MYO1H: variants seen among roughly 807,000 people sequenced by gnomAD.
MYO1H encodes the protein unconventional myosin-Ih.
MYO1H carries 118 observed loss-of-function variants against 149.3 expected under a neutral mutation model. The ratio of observed to expected loss-of-function variants is 0.79; its 90% CI spans 0.68 to 0.92. The LOEUF (loss-of-function observed/expected upper bound fraction) is 0.92, where lower values mean the gene tolerates loss of function less well. MYO1H is among the 40% of genes least tolerant of loss of function. MYO1H has a pLI of 0.00. For synonymous variants in MYO1H, 447 were observed against 465.2 expected, an observed-to-expected ratio of 0.96 and a Z score of 0.50; for missense variants, 1,212 against 1,280.7, an observed-to-expected ratio of 0.95 and a Z score of 0.82.
intron 1 of MYO1H, among the ~76,000 whole-genome samples, chr12:109,349,878 G>A (rs540412789): frequency 1.3e-5 from 2 of 150,610 alleles, no homozygotes; most frequent in East Asian, 2.0e-4. Flanking sequence ...GGAGAATGGC[G>A]TGAACCCGGG....
intron 13 of MYO1H, 39 bp from the exon 14 acceptor site, chr12:109,411,848 ATGGAGTG>A (rs1463851231): frequency 1.5e-6 from 2 of 1,377,022 alleles, no homozygotes; most frequent in Non-Finnish European, 2.0e-6. Context: ...CTTGGCATTG[ATGGAGTG>A]TGGTGCTGTG....
Position 109,407,991 on chromosome 12 carries a change from G to T in MYO1H, c.1155+78G>T, listed in dbSNP as rs1159866224. 10 of 1,595,268 alleles carry T rather than the reference G, an allele frequency of 6.3e-6. No homozygotes were observed. The South Asian group carries it at 8.9e-5, about 14-fold the overall frequency. On this transcript the variant is annotated intron_variant, in intron 10 of 31. Coordinates refer to ENST00000310903, the Ensembl canonical transcript of MYO1H. ...TAATCATCGTTTCTTTAAAGAATTT[G>T]GGAGGGAGAATGAACTGTGGGCGCC...
chr12:109,328,902 G>C, the MYO1H span, among the ~76,000 whole-genome samples: 2 of 152,182 alleles, frequency 1.3e-5, no homozygotes, highest in Non-Finnish European at 2.9e-5. Context: ...CTTGAAATTC[G>C]CTGGGAGAGT....
At chr12:109,349,496 C>T (rs1369159462) in intron 1 of MYO1H, among the ~76,000 whole-genome samples, 1 of 80,856 alleles carries the variant, frequency 1.2e-5, no homozygotes, top group African/African-American at 6.1e-5. Flanking sequence ...GACCCCCCCA[C>T]CAAAAAAATT....
chr12:109,447,575 T>A (rs1872538194), exon 32 of MYO1H: 1 of 239,708 alleles, frequency 4.2e-6, no homozygotes, highest in Non-Finnish European at 8.4e-6. Flanking sequence ...TTTCGTTATA[T>A]GTTGATAAGA....
intron 15 of MYO1H, among the ~76,000 whole-genome samples, chr12:109,420,003 G>T (rs1440602743): frequency 6.6e-6 from 1 of 152,160 alleles, no homozygotes; most frequent in Non-Finnish European, 1.5e-5. Context: ...GTCTGTCTTT[G>T]CCTGAAGATG....
intron 20 of MYO1H, among the ~76,000 whole-genome samples, chr12:109,433,610 A>G (rs1207429694): frequency 6.6e-6 from 1 of 152,060 alleles, no homozygotes; most frequent in Non-Finnish European, 1.5e-5. Flanking sequence ...GGGCTTCCCC[A>G]CTCCAGAGAG....
intron 22 of MYO1H, among the ~76,000 whole-genome samples, chr12:109,438,195 C>T (rs748543368): frequency 2.6e-5 from 4 of 152,002 alleles, no homozygotes; most frequent in Admixed American, 1.3e-4. Context: ...AAAGTAAACC[C>T]CAGTGAGACT....
At chr12:109,401,363 C>G (rs1870152148) in intron 6 of MYO1H, 91 bp downstream of exon 6, 1 of 1,303,410 alleles carries the variant, frequency 7.7e-7, no homozygotes, top group East Asian at 2.5e-5. Context: ...TTGAGACATT[C>G]TATTACCATC....
chr12:109,431,418 G>A (rs1257414083), intron 19 of MYO1H, among the ~76,000 whole-genome samples: 1 of 151,988 alleles, frequency 6.6e-6, no homozygotes. Flanking sequence ...TAATAAGAAA[G>A]GAAGGAGCAT....
chr12:109,349,968 A>AAG (rs1447987654), intron 1 of MYO1H, among the ~76,000 whole-genome samples: 2 of 148,862 alleles, frequency 1.3e-5, no homozygotes, highest in African/African-American at 4.9e-5. Context: ...CTTGAAAAAA[A>AAG]AAAAAAGTTA....
chr12:109,315,056 C>A, the MYO1H span, among the ~76,000 whole-genome samples: 1 of 152,148 alleles, frequency 6.6e-6, no homozygotes, highest in East Asian at 1.9e-4. Flanking sequence ...GAGCCATGAT[C>A]GTGCCACTGC....
chr12:109,354,944 T>G (rs1193012189), intron 1 of MYO1H, among the ~76,000 whole-genome samples: 1 of 152,246 alleles, frequency 6.6e-6, no homozygotes, highest in Non-Finnish European at 1.5e-5. Context: ...ACAGGGGGCC[T>G]GTCCTCCTTG....
chr12:109,423,047 T>C (rs1814951780), intron 16 of MYO1H, among the ~76,000 whole-genome samples: 1 of 151,954 alleles, frequency 6.6e-6, no homozygotes, highest in Non-Finnish European at 1.5e-5. Context: ...GTGTCATTCA[T>C]TGCACTCCAG....
At chr12:109,361,774 A>T (rs1352952412) in intron 1 of MYO1H, among the ~76,000 whole-genome samples, 3 of 139,836 alleles carry the variant, frequency 2.1e-5, no homozygotes, top group Non-Finnish European at 4.5e-5. Flanking sequence ...GTGCCACTGC[A>T]CTCCAGCAGC....
intron 19 of MYO1H, among the ~76,000 whole-genome samples, chr12:109,432,265 A>G (rs1293986958): frequency 3.3e-5 from 5 of 151,756 alleles, no homozygotes; most frequent in East Asian, 1.9e-4. Context: ...CGGCCTCCCA[A>G]AGTGCTGGGA....
At chr12:109,447,455 G>C in exon 32 of MYO1H, 1 of 573,146 alleles carries the variant, frequency 1.7e-6, no homozygotes, top group Non-Finnish European at 3.1e-6. Flanking sequence ...CAGGATCTAT[G>C]TTCAGTGCGC....
chr12:109,422,546 TCCC>T lies in MYO1H; in HGVS notation c.1644+1521_1644+1523del, dbSNP rs1871219086. 8.5e-5 allele frequency among the ~76,000 whole-genome samples: 13 copies of T among 152,266 alleles called. 1 individual carries two copies. The South Asian group carries it at 2.7e-3, about 32-fold the overall frequency. Reference sequence around the variant, plus strand: ...GGGCGACAGCGTTTCTCTAACAGCTTCCCCTCTGGGGTCATGGCCGTCAGCTTC... The same window carrying T: ...GGGCGACAGCGTTTCTCTAACAGCTTCTCTGGGGTCATGGCCGTCAGCTTC... On this transcript the variant is annotated intron_variant, in intron 16 of 31. Coordinates refer to ENST00000310903, the Ensembl canonical transcript of MYO1H.
At chr12:109,441,929 C>A (rs1265835223) in intron 26 of MYO1H, among the ~76,000 whole-genome samples, 1 of 152,152 alleles carries the variant, frequency 6.6e-6, no homozygotes, top group Non-Finnish European at 1.5e-5. Context: ...CACCTGTAGT[C>A]CCAACTACTC....
Sources: allele counts gnomAD v4.1 joint callset (sites outside exome capture counted in the v4.1 genomes callset), GRCh38; gene constraint gnomAD v4.1.1; transcripts MANE v1.5; gene names NCBI Gene and HGNC (gene_info 2026-07-23, HGNC 2026-07-21).